KIAA1671: variants seen among roughly 807,000 people sequenced by gnomAD.
KIAA1671 encodes KIAA1671.
A neutral mutation model predicts 131.2 loss-of-function variants in KIAA1671; 52 were observed. The observed-to-expected ratio is 0.40, with a 90% CI of 0.32 to 0.50. The LOEUF (loss-of-function observed/expected upper bound fraction) is 0.50. KIAA1671 is among the 20% of genes least tolerant of loss of function. The pLI, the probability that KIAA1671 is intolerant of heterozygous loss-of-function variation, is 0.73. For missense variants in KIAA1671, 2,360 were observed against 2,364.2 expected (o/e 1.00, Z 0.04); for synonymous variants, 1,003 against 961.6 (o/e 1.04, Z -0.80).
intron 6 of KIAA1671, among the ~76,000 whole-genome samples, chr22:25,159,050 A>G (rs1251897495): frequency 6.6e-6 from 1 of 152,116 alleles, no homozygotes; most frequent in African/African-American, 2.4e-5. Context: ...CGCAGGCTCT[A>G]GGGTGCCCAC....
intron 1 of KIAA1671, among the ~76,000 whole-genome samples, chr22:24,988,303 C>T (rs1319815669): frequency 6.6e-6 from 1 of 151,100 alleles, no homozygotes; most frequent in Non-Finnish European, 1.5e-5. Flanking sequence ...AAAAAGACTC[C>T]TGCCTGGATC....
In KIAA1671 at chr22:25,093,850, C is replaced by G. The variant is rs868138842; in HGVS notation, c.4530+44486C>G. Among the ~76,000 whole-genome samples the G allele has an allele frequency of 3.7e-4, 43 of 116,852 alleles. 1 individual carries two copies. Among genetic ancestry groups the G allele is most frequent in the Middle Eastern group, 4.1e-3 (1 of 246 alleles). 76.7% of individuals were successfully genotyped at this position (116,852 alleles called of 152,430 possible). A position where few individuals can be genotyped will look rare whatever the true frequency, so the allele number is the denominator to read the frequency against. The stretch of plus-strand genomic sequence containing the variant: ...TCTCTCTCTGTCTGTCTCTCTCTCT[C>G]TCTCTCTCTCTCTCTCTCTCTCTCT... On this transcript the variant is annotated intron_variant, in intron 6 of 12. Transcript: ENST00000358431.
chr22:24,981,089 T>TGTGTG (rs55654024), intron 1 of KIAA1671, among the ~76,000 whole-genome samples: 1 of 141,192 alleles, frequency 7.1e-6, no homozygotes. Flanking sequence ...TGTGTGTGTG[T>TGTGTG]TTTTACTGTA....
Position 25,040,078 on chromosome 22 carries a change from C to T in KIAA1671, c.2948C>T (p.Thr983Ile). Reference protein sequence around the residue: ...GHRRTDYVSPTASALRKPQLS... With the variant: ...GHRRTDYVSPIASALRKPQLS... ...AGACGAACAGATTATGTGAGCCCCA[C>T]AGCCAGTGCCTTAAGAAAACCTCAA... Residue 983 changes from threonine (T) to isoleucine (I), a missense_variant, in exon 5 of 13, where the codon ACA becomes ATA. This residue lies in a region of KIAA1671 where 1,161 missense variants were observed against 1,204.7 expected (regional missense o/e 0.96). Transcript: ENST00000358431. The T allele has an allele frequency of 2.6e-6, 4 of 1,551,730 alleles. No homozygotes were observed. Among genetic ancestry groups the T allele is most frequent in the Non-Finnish European group, 2.6e-6 (3 of 1,147,012 alleles).
intron 1 of KIAA1671, among the ~76,000 whole-genome samples, chr22:24,986,064 C>T (rs12484653): frequency 0.12 from 17,747 of 152,080 alleles, 1,323 homozygotes; most frequent in East Asian, 0.43. Flanking sequence ...CATGGGTTTC[C>T]TTCCTCTCCT....
intron 6 of KIAA1671, among the ~76,000 whole-genome samples, chr22:25,081,147 C>T (rs1324464515): frequency 6.6e-6 from 1 of 151,190 alleles, no homozygotes; most frequent in Non-Finnish European, 1.5e-5. Context: ...GCCAGGATTC[C>T]AGGATGCAAA....
intron 6 of KIAA1671, among the ~76,000 whole-genome samples, chr22:25,066,875 A>C (rs1928504227): frequency 6.6e-6 from 1 of 152,170 alleles, no homozygotes; most frequent in Non-Finnish European, 1.5e-5. Flanking sequence ...GTGATGAGGA[A>C]GCAAGGAAAG....
intron 6 of KIAA1671, among the ~76,000 whole-genome samples, chr22:25,097,255 C>T (rs960371055): frequency 2.0e-5 from 3 of 152,164 alleles, no homozygotes; most frequent in Non-Finnish European, 4.4e-5. Context: ...GGCCCAGTTG[C>T]TCCACATCCT....
rs13058678 is a variant in KIAA1671 at position 25,093,856 on chromosome 22, C to G, written c.4530+44492C>G. Among the ~76,000 whole-genome samples, 575 of 107,068 alleles carry G rather than the reference C, an allele frequency of 5.4e-3. 24 individuals are homozygous for G. Among genetic ancestry groups the G allele is most frequent in the African/African-American group, 0.015 (443 of 29,186 alleles). The allele number at this position is 107,068 out of a possible 152,430, so 70.2% of individuals were successfully genotyped here. On this transcript the variant is annotated intron_variant, in intron 6 of 12. Transcript: ENST00000358431. ...TCTGTCTGTCTCTCTCTCTCTCTCT[C>G]TCTCTCTCTCTCTCTCTCTCTCTCT...
intron 5 of KIAA1671, among the ~76,000 whole-genome samples, chr22:25,042,995 A>G (rs1927032236): frequency 1.3e-5 from 2 of 151,802 alleles, no homozygotes; most frequent in African/African-American, 4.8e-5. Flanking sequence ...TTGTGGGGTC[A>G]TGAACATTCA....
At chr22:24,977,376 C>T (rs974660209) in intron 1 of KIAA1671, among the ~76,000 whole-genome samples, 16 of 152,290 alleles carry the variant, frequency 1.1e-4, no homozygotes, top group African/African-American at 3.9e-4. Flanking sequence ...GTTGTCTGCT[C>T]CCCCAGAGCC....
At chr22:24,959,782 A>C (rs750036970) in intron 1 of KIAA1671, among the ~76,000 whole-genome samples, 2 of 152,182 alleles carry the variant, frequency 1.3e-5, no homozygotes, top group Non-Finnish European at 2.9e-5. Context: ...TATCACAGCT[A>C]CATTTGTTAA....
intron 6 of KIAA1671, among the ~76,000 whole-genome samples, chr22:25,169,765 CCTCT>C (rs957508101): frequency 3.3e-5 from 5 of 151,356 alleles, no homozygotes; most frequent in Non-Finnish European, 7.3e-5. Flanking sequence ...CCCTGCGTGC[CCTCT>C]CTGAGTGCCC....
chr22:25,134,144 C>T (rs780307923), intron 6 of KIAA1671, among the ~76,000 whole-genome samples: 7 of 152,184 alleles, frequency 4.6e-5, no homozygotes, highest in Non-Finnish European at 7.3e-5. Flanking sequence ...TGACTGAGTA[C>T]CTTGCATGCT....
At position 25,049,145 on chromosome 22, in the gene KIAA1671, C is replaced by G. The variant is rs1927397570; in HGVS notation, c.4396-85C>G. The G allele has an allele frequency of 1.8e-5, 26 of 1,457,492 alleles. 1 individual carries two copies. In the South Asian group the frequency reaches 3.5e-4, roughly 19 times the overall value. The allele number at this position is 1,457,492 out of a possible 1,614,324, so 90.3% of individuals were successfully genotyped here. A position where few individuals can be genotyped will look rare whatever the true frequency, so the allele number is the denominator to read the frequency against. ...ATTTTCTTCTTTGCCCTTTTTGGTA[C>G]AGAATGGACTCTTGGCATAATATAT... On this transcript the variant is annotated intron_variant, in intron 5 of 12. Coordinates refer to ENST00000358431, the MANE Select transcript of KIAA1671 (RefSeq NM_001145206.2).
intron 6 of KIAA1671, chr22:25,112,103 G>A (rs573061544): frequency 2.1e-4 from 85 of 398,074 alleles, no homozygotes; most frequent in South Asian, 7.1e-4. Context: ...AGTCCAAAGA[G>A]GCAAGAGGAC....
chr22:25,153,349 GGTT>G (rs906477436), intron 6 of KIAA1671, among the ~76,000 whole-genome samples: 1 of 152,152 alleles, frequency 6.6e-6, no homozygotes, highest in Non-Finnish European at 1.5e-5. Flanking sequence ...AGACATTTTT[GGTT>G]GTTGTGATGG....
chr22:25,155,836 T>C (rs1257993122), intron 6 of KIAA1671, among the ~76,000 whole-genome samples: 1 of 151,634 alleles, frequency 6.6e-6, no homozygotes. Flanking sequence ...TCTGTGTCTA[T>C]GCATTTGCCT....
intron 1 of KIAA1671, among the ~76,000 whole-genome samples, chr22:25,005,153 T>C (rs1038509228): frequency 2.0e-5 from 3 of 150,386 alleles, no homozygotes; most frequent in African/African-American, 7.3e-5. Context: ...ATCGAGACCA[T>C]CCTGGCCAAC....
Sources: gnomAD v4.1 joint callset for allele counts (sites outside exome capture counted in the v4.1 genomes callset) on GRCh38, gnomAD v4.1.1 for gene constraint, gnomAD v4.1.1 regional missense constraint, MANE v1.5 for transcripts, NCBI Gene and HGNC (gene_info 2026-07-23, HGNC 2026-07-21) for gene names.